KIF13B: variants seen among roughly 807,000 people sequenced by gnomAD.
The protein encoded by KIF13B is kinesin-like protein KIF13B.
Under a neutral mutation model 222.0 loss-of-function variants are expected in KIF13B, and 127 were observed. The observed-to-expected ratio is 0.57, with a 90% confidence interval of 0.50 to 0.66. The LOEUF is 0.66. Among genes scored for constraint, KIF13B ranks in the 30% least tolerant of loss-of-function variants. KIF13B has a pLI of 0.00. For synonymous variants in KIF13B, 976 were observed against 919.0 expected (o/e 1.06, Z -1.12); for missense variants, 2,173 against 2,379.0 (o/e 0.91, Z 1.80).
At chr8:29,210,198 T>C (rs1015575575) in intron 2 of KIF13B, among the ~76,000 whole-genome samples, 14 of 152,000 alleles carry the variant, frequency 9.2e-5, no homozygotes, top group Admixed American at 8.5e-4. Context: ...GGGGATAGAA[T>C]CTAAAAATAT....
Position 29,070,561 on chromosome 8 carries a change from C to G in KIF13B, c.5424G>C (p.Leu1808=), listed in dbSNP as rs755579303. Reference sequence around the variant, plus strand: ...TCTTGTGGCTCCTGTCGGCCTTGGCCAGGGCAGCTGTCAGCGAGGCCAGGT... The same window carrying G: ...TCTTGTGGCTCCTGTCGGCCTTGGCGAGGGCAGCTGTCAGCGAGGCCAGGT... ...ATNLASLTAA[L]AKADRSHKNP... is the part of the protein sequence containing the mutation. The change falls in exon 40 of 40, where the codon CTG becomes CTC. Residue 1808 remains leucine (L), a synonymous_variant. Coordinates refer to ENST00000524189, the MANE Select transcript of KIF13B (RefSeq NM_015254.4). This position sits in a 1 kb window ranked among gnomAD's most constrained non-coding sequence, Gnocchi z 4.1. 5 of 1,607,760 alleles carry G rather than the reference C, an allele frequency of 3.1e-6. No homozygotes were observed. The African/African-American group carries it at 6.7e-5, about 21-fold the overall frequency.
intron 20 of KIF13B, 43 bp downstream of exon 20, chr8:29,140,425 A>T (rs1312640344): frequency 1.3e-6 from 2 of 1,583,308 alleles, no homozygotes; most frequent in Non-Finnish European, 1.7e-6. Context: ...CTTGTTTCTT[A>T]AACTATTCTC....
intron 6 of KIF13B, among the ~76,000 whole-genome samples, chr8:29,184,451 C>T (rs1479435730): frequency 6.6e-6 from 1 of 152,100 alleles, no homozygotes; most frequent in Non-Finnish European, 1.5e-5. Context: ...TCACAACAGC[C>T]CTCTGAGATA....
chr8:29,117,015 G>C lies in KIF13B; in HGVS notation c.3661-8C>G, dbSNP rs532521397. On this transcript the variant is annotated splice_polypyrimidine_tract_variant and splice_region_variant and intron_variant, in intron 30 of 39. Transcript: ENST00000524189. The stretch of plus-strand genomic sequence containing the variant: ...GGAGGCTTCTGCTTTCACCTGGAGA[G>C]AAGACAGAGAGGAAACAGGTTTCTC... The C allele has an allele frequency of 6.5e-7, 1 of 1,548,088 alleles. No individual in the cohort carries two copies. The highest frequency in any genetic ancestry group is 1.4e-5 in the African/African-American group (1 of 72,584).
chr8:29,230,035 G>A (rs573962534), intron 2 of KIF13B, among the ~76,000 whole-genome samples: 1 of 152,276 alleles, frequency 6.6e-6, no homozygotes, highest in African/African-American at 2.4e-5. Flanking sequence ...CAAAATAGCA[G>A]CTACCACCTA....
chr8:29,078,238 T>G, intron 37 of KIF13B, among the ~76,000 whole-genome samples: 1 of 144,002 alleles, frequency 6.9e-6, no homozygotes, highest in Non-Finnish European at 1.5e-5. Context: ...GAGGTTGCAG[T>G]GAGCCAAGAT....
In KIF13B at chr8:29,200,558, T is replaced by TA. The variant is rs1053683794; in HGVS notation, c.150-4360dup. On this transcript the variant is annotated intron_variant, in intron 2 of 39. Transcript: ENST00000524189. Reference sequence around the variant, plus strand: ...CCCTTCTCCAAGCTTCCTCAAATGTTAACCACCAAATATTTCTTATATCAC... The same window carrying TA: ...CCCTTCTCCAAGCTTCCTCAAATGTTAAACCACCAAATATTTCTTATATCAC... Among the ~76,000 whole-genome samples the TA allele has an allele frequency of 5.5e-4, 84 of 152,316 alleles. 1 individual carries two copies. The highest frequency in any genetic ancestry group is 2.0e-3 in the African/African-American group (82 of 41,572).
chr8:29,183,134 T>A (rs984287729), intron 6 of KIF13B, among the ~76,000 whole-genome samples: 4 of 151,194 alleles, frequency 2.6e-5, no homozygotes, highest in African/African-American at 9.7e-5. Flanking sequence ...AAATCTTTTT[T>A]AAAATAAGTA....
At chr8:29,106,155 C>G (rs959580751) in intron 35 of KIF13B, among the ~76,000 whole-genome samples, 2 of 152,166 alleles carry the variant, frequency 1.3e-5, no homozygotes, top group Non-Finnish European at 2.9e-5. Flanking sequence ...ACAACTGATG[C>G]TAAGCTACAG....
At chr8:29,153,152 T>TA (rs1163948030) in intron 14 of KIF13B, among the ~76,000 whole-genome samples, 1 of 152,190 alleles carries the variant, frequency 6.6e-6, no homozygotes, top group Non-Finnish European at 1.5e-5. Flanking sequence ...GATCAATAAA[T>TA]AACCTCCATT....
intron 4 of KIF13B, chr8:29,190,070 G>A (rs1400926503): frequency 6.6e-6 from 1 of 152,176 alleles, no homozygotes; most frequent in Non-Finnish European, 1.5e-5. Context: ...ATTAACCCTT[G>A]TTGCAGTCTT....
In KIF13B at chr8:29,120,946, C is replaced by T. The variant is rs199948687; in HGVS notation, c.3535+1645G>A. ...TGATGGCCAGTGATGATGAGCATTT[C>T]TTCATGTGTTTTTTGGCTGCATAAA... On this transcript the variant is annotated intron_variant, in intron 29 of 39. Coordinates refer to ENST00000524189, the MANE Select transcript of KIF13B (RefSeq NM_015254.4). 2.0e-4 allele frequency among the ~76,000 whole-genome samples: 11 copies of T among 55,212 alleles called. No individual in the cohort carries two copies. The East Asian group carries it at 2.1e-3, about 10-fold the overall frequency. 36.2% of individuals were successfully genotyped at this position (55,212 alleles called of 152,430 possible). A position where few individuals can be genotyped will look rare whatever the true frequency, so the allele number is the denominator to read the frequency against.
intron 2 of KIF13B, among the ~76,000 whole-genome samples, chr8:29,242,060 C>G (rs1409060472): frequency 6.6e-6 from 1 of 152,090 alleles, no homozygotes; most frequent in Non-Finnish European, 1.5e-5. Flanking sequence ...GAAAATGCAC[C>G]TTAATCCCTT....
At chr8:29,182,411 A>G (rs977260285) in intron 6 of KIF13B, among the ~76,000 whole-genome samples, 4 of 152,216 alleles carry the variant, frequency 2.6e-5, no homozygotes, top group Non-Finnish European at 5.9e-5. Flanking sequence ...AACTGAATCC[A>G]ATGATTTCAA....
intron 37 of KIF13B, among the ~76,000 whole-genome samples, chr8:29,089,197 G>T (rs888355734): frequency 6.6e-6 from 1 of 152,192 alleles, no homozygotes; most frequent in Non-Finnish European, 1.5e-5. Context: ...AGCCACTTGG[G>T]ATACCAGACG....
intron 1 of KIF13B, among the ~76,000 whole-genome samples, chr8:29,246,842 C>A (rs185147715): frequency 1.3e-5 from 2 of 152,094 alleles, no homozygotes; most frequent in Non-Finnish European, 2.9e-5. Context: ...CCAAAACAAC[C>A]CAATGGAGAA....
At chr8:29,238,538 A>G (rs777683881) in intron 2 of KIF13B, among the ~76,000 whole-genome samples, 27 of 152,210 alleles carry the variant, frequency 1.8e-4, no homozygotes, top group Non-Finnish European at 1.9e-4. Flanking sequence ...AAAAAAGATG[A>G]TGTGATCAAC....
Position 29,071,714 on chromosome 8 carries a change from G to C in KIF13B, c.5124C>G (p.Thr1708=). The C allele has an allele frequency of 6.4e-7, 1 of 1,550,482 alleles. No homozygotes were observed. The highest frequency in any genetic ancestry group is 1.2e-5 in the South Asian group (1 of 84,072). Residue 1708 remains threonine (T), a synonymous_variant, in exon 39 of 40, where the codon ACC becomes ACG. Coordinates refer to ENST00000524189, the MANE Select transcript of KIF13B (RefSeq NM_015254.4). The surrounding 1 kb of genome is among the most constrained non-coding windows in gnomAD (Gnocchi z 4.9). Reference sequence around the variant, plus strand: ...CCACGCCCGTTTTGTGGGCGCCCACGGTGACGAACTCGCCCTCTCGGAGCC... The same window carrying C: ...CCACGCCCGTTTTGTGGGCGCCCACCGTGACGAACTCGCCCTCTCGGAGCC... ...PEWLREGEFV[T]VGAHKTGVVR...
intron 1 of KIF13B, among the ~76,000 whole-genome samples, chr8:29,247,255 G>C (rs780775558): frequency 6.6e-6 from 1 of 152,116 alleles, no homozygotes; most frequent in African/African-American, 2.4e-5. Flanking sequence ...AGGTATGGTG[G>C]TACATACCTA....
Sources: gnomAD v4.1 joint callset for allele counts (sites outside exome capture counted in the v4.1 genomes callset) on GRCh38, gnomAD v4.1.1 for gene constraint, Gnocchi (gnomAD v3.1) non-coding constraint, MANE v1.5 for transcripts, NCBI Gene and HGNC (gene_info 2026-07-23, HGNC 2026-07-21) for gene names.